The following GOLM2 variants were observed in gnomAD, a reference collection of about 807,000 sequenced individuals.
The protein encoded by GOLM2 is golgi membrane protein 2, also known as protein GOLM2.
A neutral mutation model predicts 55.9 loss-of-function variants in GOLM2; 26 were observed. That is an observed-to-expected ratio of 0.47 (90% CI 0.34 to 0.65). The LOEUF (loss-of-function observed/expected upper bound fraction) is 0.65. GOLM2 is among the 30% of genes least tolerant of loss of function. The probability of loss-of-function intolerance (pLI) is 0.01; values close to 1 mark genes in which losing one functional copy is unlikely to be tolerated. For missense variants in GOLM2, 486 were observed against 531.8 expected (o/e 0.91, Z 0.85); for synonymous variants, 165 against 194.6 (o/e 0.85, Z 1.27).
intron 8 of GOLM2, among the ~76,000 whole-genome samples, chr15:44,400,794 T>C (rs1371072016): frequency 6.6e-6 from 1 of 152,040 alleles, no homozygotes; most frequent in Non-Finnish European, 1.5e-5. Flanking sequence ...GCCAGGATGG[T>C]CTTGATCTCC....
intron 1 of GOLM2, among the ~76,000 whole-genome samples, chr15:44,304,230 C>CTTTTTTTTTTTTTTTTT (rs895623812): frequency 6.0e-5 from 5 of 82,924 alleles, no homozygotes; most frequent in East Asian, 4.3e-4. Context: ...GGCTCCACTT[C>CTTTTTTTTTTTTTTTTT]TTTTTTTTTT....
intron 6 of GOLM2, among the ~76,000 whole-genome samples, chr15:44,343,349 GTTA>G (rs2079101429): frequency 6.7e-6 from 1 of 149,364 alleles, no homozygotes; most frequent in Admixed American, 6.7e-5. Flanking sequence ...AGTTGTTGTT[GTTA>G]TTATTATTTC....
chr15:44,364,918 A>T (rs1595650734), intron 6 of GOLM2, among the ~76,000 whole-genome samples: 1 of 152,184 alleles, frequency 6.6e-6, no homozygotes, highest in Non-Finnish European at 1.5e-5. Context: ...GAACAAAAGC[A>T]ATTTTTATGT....
intron 2 of GOLM2, among the ~76,000 whole-genome samples, chr15:44,324,210 T>C (rs576074561): frequency 1.3e-5 from 2 of 152,352 alleles, no homozygotes; most frequent in African/African-American, 4.8e-5. Flanking sequence ...TATTAACTGT[T>C]TATTAAATAG....
At chr15:44,301,556 C>T (rs1387090584) in intron 1 of GOLM2, among the ~76,000 whole-genome samples, 1 of 151,948 alleles carries the variant, frequency 6.6e-6, no homozygotes, top group African/African-American at 2.4e-5. Flanking sequence ...TGAGCAGGGG[C>T]TATGAGGGGA....
chr15:44,333,174 C>T (rs934657173), intron 4 of GOLM2, among the ~76,000 whole-genome samples: 6 of 152,126 alleles, frequency 3.9e-5, no homozygotes, highest in Non-Finnish European at 7.4e-5. Flanking sequence ...CCTTGTGATC[C>T]GCCCACCTCG....
At chr15:44,318,251 A>G (rs190483098) in intron 1 of GOLM2, among the ~76,000 whole-genome samples, 1 of 152,166 alleles carries the variant, frequency 6.6e-6, no homozygotes, top group Non-Finnish European at 1.5e-5. Context: ...AGTCATCCTT[A>G]GCTTCCTTCC....
At chr15:44,315,643 A>T (rs1325398419) in intron 1 of GOLM2, among the ~76,000 whole-genome samples, 1 of 151,908 alleles carries the variant, frequency 6.6e-6, no homozygotes, top group Non-Finnish European at 1.5e-5. Flanking sequence ...AGGAAAACAA[A>T]TAAAGAGCAT....
chr15:44,306,277 C>T (rs2078836250), intron 1 of GOLM2, among the ~76,000 whole-genome samples: 1 of 152,174 alleles, frequency 6.6e-6, no homozygotes, highest in South Asian at 2.1e-4. Flanking sequence ...TGCCACTTCC[C>T]CTTGCACCTT....
At chr15:44,384,589 A>G (rs2079428431) in intron 8 of GOLM2, among the ~76,000 whole-genome samples, 2 of 152,164 alleles carry the variant, frequency 1.3e-5, no homozygotes, top group Non-Finnish European at 2.9e-5. Context: ...TACTAAAAAT[A>G]CAAAAAAATT....
At chr15:44,357,811 A>G (rs973665120) in intron 6 of GOLM2, among the ~76,000 whole-genome samples, 2 of 152,230 alleles carry the variant, frequency 1.3e-5, no homozygotes, top group African/African-American at 4.8e-5. Context: ...TAGTACTCTC[A>G]AAATTCAATT....
chr15:44,323,010 C>G lies in GOLM2; in HGVS notation c.373C>G (p.His125Asp). The G allele has an allele frequency of 6.3e-7, 1 of 1,575,396 alleles. No homozygotes were observed. Among genetic ancestry groups the G allele is most frequent in the African/African-American group, 1.4e-5 (1 of 73,008 alleles). ...ATCGTATCAGATGGCAGACATACAT[C>G]ATTTAAAGGGTAAGAACCTTAATTC... The part of the protein sequence containing the change: ...NISYQMADIH[H>D]LKEQLAELRQ... Residue 125 changes from histidine (H) to aspartate (D), a missense_variant, in exon 2 of 10, where the codon CAT becomes GAT. His to Asp is a moderately conservative substitution (Grantham distance 81). Transcript: ENST00000299957.
Position 44,288,755 on chromosome 15 carries a change from C to CGCTG in GOLM2, c.-272_-269dup, listed in dbSNP as rs372115513. On this transcript the variant is annotated 5_prime_UTR_variant, in exon 1 of 10. Coordinates refer to ENST00000299957, the MANE Select transcript of GOLM2 (RefSeq NM_138423.4). ...ACCGTGAGGTGTTGGGTTTGGGGGA[C>CGCTG]GCTGGCAGCTGGGTTCTCCCGGTTC... The CGCTG allele has an allele frequency of 3.5e-3, 1,676 of 474,448 alleles. 9 individuals are homozygous for CGCTG. Among genetic ancestry groups the CGCTG allele is most frequent in the Middle Eastern group, 6.1e-3 (11 of 1,802 alleles). The allele number at this position is 474,448 out of a possible 1,614,324, so 29.4% of individuals were successfully genotyped here.
At chr15:44,391,024 AC>A (rs2079484427) in intron 8 of GOLM2, among the ~76,000 whole-genome samples, 1 of 152,202 alleles carries the variant, frequency 6.6e-6, no homozygotes, top group Admixed American at 6.5e-5. Context: ...ATTATTAGTT[AC>A]CTAAATTGGC....
intron 6 of GOLM2, among the ~76,000 whole-genome samples, chr15:44,348,251 C>T (rs1294200646): frequency 6.6e-6 from 1 of 152,008 alleles, no homozygotes; most frequent in Non-Finnish European, 1.5e-5. Context: ...TCTTAGGGTC[C>T]CTAATTCCAG....
At chr15:44,354,501 C>T (rs1399310452) in intron 6 of GOLM2, among the ~76,000 whole-genome samples, 3 of 150,628 alleles carry the variant, frequency 2.0e-5, no homozygotes, top group Non-Finnish European at 4.4e-5. Context: ...AGACAGCAAC[C>T]ACACACAAAA....
intron 6 of GOLM2, among the ~76,000 whole-genome samples, chr15:44,345,348 C>T (rs567557310): frequency 3.3e-5 from 5 of 151,632 alleles, no homozygotes; most frequent in Admixed American, 6.6e-5. Flanking sequence ...TCTCGGCTCA[C>T]GGCAAGCTCC....
At chr15:44,330,514 GA>G (rs764271493) in intron 3 of GOLM2, among the ~76,000 whole-genome samples, 1,962 of 72,356 alleles carry the variant, frequency 0.027, 19 homozygotes, top group African/African-American at 0.046. Flanking sequence ...ACTCCATCTG[GA>G]AAAAAAAAAA....
intron 1 of GOLM2, among the ~76,000 whole-genome samples, chr15:44,296,674 ACT>A (rs1390523276): frequency 6.6e-6 from 1 of 151,664 alleles, no homozygotes; most frequent in Non-Finnish European, 1.5e-5. Flanking sequence ...CCAGGATGGG[ACT>A]CTGTCTGTGT....
Sources: allele counts gnomAD v4.1 joint callset (sites outside exome capture counted in the v4.1 genomes callset), GRCh38; gene constraint gnomAD v4.1.1; transcripts MANE v1.5; gene names NCBI Gene and HGNC (gene_info 2026-07-23, HGNC 2026-07-21).